Variants in CMTR1 observed in about 807,000 individuals in gnomAD.
CMTR1 encodes the protein cap methyltransferase 1.
In CMTR1, 39 loss-of-function variants were observed where a neutral mutation model predicts 107.0. That is an observed-to-expected ratio of 0.36 (90% CI 0.28 to 0.48). The LOEUF is 0.48. Ranked by LOEUF, CMTR1 falls within the 20% of genes least tolerant of loss-of-function variation. The probability of loss-of-function intolerance (pLI) is 0.99; values close to 1 mark genes in which losing one functional copy is unlikely to be tolerated. For synonymous variants in CMTR1, 366 were observed against 379.5 expected (o/e 0.96, Z 0.41); for missense variants, 672 against 1,064.9 (o/e 0.63, Z 5.14).
chr6:37,441,212 A>C (rs920812960), intron 2 of CMTR1, among the ~76,000 whole-genome samples: 1 of 152,124 alleles, frequency 6.6e-6, no homozygotes, highest in South Asian at 2.1e-4. Flanking sequence ...GTTCTTTAGC[A>C]TGTGGGCACT....
At chr6:37,469,453 G>A (rs1417993057) in intron 13 of CMTR1, among the ~76,000 whole-genome samples, 1 of 148,944 alleles carries the variant, frequency 6.7e-6, no homozygotes, top group Non-Finnish European at 1.5e-5. Flanking sequence ...CCTTGGATCT[G>A]TGGATTGATT....
Position 37,480,382 on chromosome 6 carries a change from G to C in CMTR1, c.*237G>C. 7.5e-7 allele frequency: 1 copy of C among 1,335,816 alleles called. No individual in the cohort carries two copies. The highest frequency in any genetic ancestry group is 9.5e-7 in the Non-Finnish European group (1 of 1,051,200). The allele number at this position is 1,335,816 out of a possible 1,614,324, so 82.7% of individuals were successfully genotyped here. A position where few individuals can be genotyped will look rare whatever the true frequency, so the allele number is the denominator to read the frequency against. On this transcript the variant is annotated 3_prime_UTR_variant, in exon 24 of 24. Transcript: ENST00000373451. ...GGGAACTTTCCCCTGCCAGGACTCA[G>C]CCTGAAGGAAGCTGCTCCTGAGGCA...
chr6:37,450,656 A>G (rs1401824593), intron 5 of CMTR1, among the ~76,000 whole-genome samples: 1 of 152,232 alleles, frequency 6.6e-6, no homozygotes, highest in Non-Finnish European at 1.5e-5. Flanking sequence ...GATCACTGCT[A>G]GATGAAAAGA....
intron 1 of CMTR1, among the ~76,000 whole-genome samples, chr6:37,434,765 C>T (rs1273194744): frequency 1.3e-5 from 2 of 152,162 alleles, no homozygotes; most frequent in East Asian, 3.9e-4. Flanking sequence ...CATGTGCCAC[C>T]ACCCGGCTAA....
chr6:37,440,698 A>G (rs1370568664), intron 2 of CMTR1, among the ~76,000 whole-genome samples: 3 of 152,224 alleles, frequency 2.0e-5, no homozygotes, highest in African/African-American at 7.2e-5. Flanking sequence ...ATTTTACACC[A>G]GAGTCACCAC....
intron 4 of CMTR1, among the ~76,000 whole-genome samples, chr6:37,448,210 CAAA>C (rs11397206): frequency 5.5e-5 from 5 of 91,092 alleles, no homozygotes; most frequent in African/African-American, 1.3e-4. Flanking sequence ...GATTCCGTCT[CAAA>C]AAAAAAAAAA....
rs917047543 is a variant in CMTR1, at chr6:37,478,193, G to C, written c.2154-216G>C. Among the ~76,000 whole-genome samples, 5 of 152,032 alleles carry C rather than the reference G, an allele frequency of 3.3e-5. No homozygotes were observed. The East Asian group carries it at 9.7e-4, about 29-fold the overall frequency. ...CCCTCAAGCAGCAGTGACACAGCAG[G>C]GTCATTTGTTACTCCCCTGCCTCCA... On this transcript the variant is annotated intron_variant, in intron 21 of 23. Transcript: ENST00000373451.
chr6:37,480,212 A>T lies in CMTR1; in HGVS notation c.*67A>T. 6.3e-7 allele frequency: 1 copy of T among 1,584,824 alleles called. No individual in the cohort carries two copies. The highest frequency in any genetic ancestry group is 1.2e-5 in the South Asian group (1 of 86,724). On this transcript the variant is annotated 3_prime_UTR_variant, in exon 24 of 24. Coordinates refer to ENST00000373451, the MANE Select transcript of CMTR1 (RefSeq NM_015050.3). Reference sequence around the variant, plus strand: ...CCTGAGATGGGGCCACCTGGGGCCCACAGTGCTGGCTTCTTCCCCCTCTTG... The same window carrying T: ...CCTGAGATGGGGCCACCTGGGGCCCTCAGTGCTGGCTTCTTCCCCCTCTTG...
chr6:37,475,574 A>G, intron 19 of CMTR1, 162 bp downstream of exon 19: 1 of 640,762 alleles, frequency 1.6e-6, no homozygotes, highest in South Asian at 1.9e-5. Context: ...AGTCAGGGTG[A>G]GAATTGGAGT....
intron 14 of CMTR1, among the ~76,000 whole-genome samples, chr6:37,471,550 A>G (rs1761625687): frequency 6.6e-6 from 1 of 152,154 alleles, no homozygotes; most frequent in South Asian, 2.1e-4. Flanking sequence ...CTGATGGGTG[A>G]TTGAAAAGGG....
Position 37,458,515 on chromosome 6 carries a change from C to G in CMTR1, c.778-97C>G, listed in dbSNP as rs953948170. 1 of 1,194,380 alleles carries G rather than the reference C, an allele frequency of 8.4e-7. No homozygotes were observed. The highest frequency in any genetic ancestry group is 1.5e-5 in the South Asian group (1 of 67,836). 74.0% of individuals were successfully genotyped at this position (1,194,380 alleles called of 1,614,324 possible). ...TGGTGGGAGCTCTGGATTGTACTTG[C>G]CGAAAGGCTTATTTTACTCTCCCTG... On this transcript the variant is annotated intron_variant, in intron 8 of 23. Transcript: ENST00000373451. This position sits in a 1 kb window ranked among gnomAD's most constrained non-coding sequence, Gnocchi z 4.7.
chr6:37,444,216 T>G, intron 3 of CMTR1, 66 bp downstream of exon 3: 1 of 1,561,842 alleles, frequency 6.4e-7, no homozygotes, highest in Non-Finnish European at 8.7e-7. Flanking sequence ...GCAATTTGTA[T>G]TTGTATGAAA....
intron 1 of CMTR1, among the ~76,000 whole-genome samples, chr6:37,435,339 G>C (rs1016317743): frequency 6.6e-6 from 1 of 152,196 alleles, no homozygotes; most frequent in Admixed American, 6.5e-5. Flanking sequence ...CCAGTGGCTT[G>C]TGGAGTTGAT....
Position 37,480,743 on chromosome 6 carries a change from G to C in CMTR1, c.*598G>C. On this transcript the variant is annotated 3_prime_UTR_variant, in exon 24 of 24. Transcript: ENST00000373451. ...CTGGCCTTCCCTGGAGTTCTTCCTA[G>C]CCCAGAGCTCTGACAGTCCAGCAGG... 1.9e-6 allele frequency: 2 copies of C among 1,050,334 alleles called. No homozygotes were observed. Among genetic ancestry groups the C allele is most frequent in the African/African-American group, 3.4e-5 (2 of 58,254 alleles). The allele number at this position is 1,050,334 out of a possible 1,614,324, so 65.1% of individuals were successfully genotyped here.
intron 13 of CMTR1, 145 bp from the exon 14 acceptor site, chr6:37,470,876 G>A (rs1020274666): frequency 5.2e-6 from 3 of 574,024 alleles, no homozygotes; most frequent in Admixed American, 3.5e-5. Context: ...TGCACTGTGG[G>A]GTAGGGGTGT....
intron 19 of CMTR1, 55 bp from the exon 20 acceptor site, chr6:37,476,071 G>A (rs960762109): frequency 6.4e-7 from 1 of 1,554,928 alleles, no homozygotes; most frequent in East Asian, 2.2e-5. Context: ...TGGGGGTAGG[G>A]GTGCTGGTGG....
chr6:37,444,333 A>G (rs1771737618), intron 3 of CMTR1, among the ~76,000 whole-genome samples, 183 bp downstream of exon 3: 1 of 152,218 alleles, frequency 6.6e-6, no homozygotes, highest in Non-Finnish European at 1.5e-5. Context: ...TGTATCATCT[A>G]TAGGCAGCAA....
chr6:37,443,945 G>T, intron 2 of CMTR1, 54 bp from the exon 3 acceptor site: 1 of 1,584,678 alleles, frequency 6.3e-7, no homozygotes. Flanking sequence ...TTGGATGTCT[G>T]GAGGCTATTT....
chr6:37,431,875 G>A (rs1464287539), upstream of CMTR1, among the ~76,000 whole-genome samples: 1 of 152,176 alleles, frequency 6.6e-6, no homozygotes, highest in Non-Finnish European at 1.5e-5. Flanking sequence ...GAGTGCAGTG[G>A]TGCAATCTCT....
Sources: allele counts gnomAD v4.1 joint callset (sites outside exome capture counted in the v4.1 genomes callset), GRCh38; gene constraint gnomAD v4.1.1; non-coding constraint Gnocchi (gnomAD v3.1); transcripts MANE v1.5; gene names NCBI Gene and HGNC (gene_info 2026-07-23, HGNC 2026-07-21).